Variants in RIF1 observed in about 807,000 individuals in gnomAD.
The protein encoded by RIF1 is replication timing regulatory factor 1.
Under a neutral mutation model 247.1 loss-of-function variants are expected in RIF1, and 45 were observed. The ratio of observed to expected loss-of-function variants is 0.18; its 90% CI spans 0.14 to 0.23. The LOEUF (loss-of-function observed/expected upper bound fraction) is 0.23. Ranked by LOEUF, RIF1 falls within the 10% of genes least tolerant of loss-of-function variation. The pLI is 1.00. For missense variants in RIF1, 2,967 were observed against 2,862.5 expected, an observed-to-expected ratio of 1.04 and a Z score of -0.83; for synonymous variants, 1,087 against 978.8, an observed-to-expected ratio of 1.11 and a Z score of -2.06.
chr2:151,507,024 A>T lies in RIF1; in HGVS notation c.*1027+649A>T, dbSNP rs758493139. ...ACACTGGTATTGGAGCTATGAAGAA[A>T]GAGTAAACATCTTGTTAAGATTTCA... On this transcript the variant is annotated intron_variant and NMD_transcript_variant, in intron 13 of 13. Transcript: ENST00000454583. 21 of 1,457,904 alleles carry T rather than the reference A, an allele frequency of 1.4e-5. No individual in the cohort carries two copies. The South Asian group carries it at 2.4e-4, about 17-fold the overall frequency. 90.3% of individuals were successfully genotyped at this position (1,457,904 alleles called of 1,614,324 possible). A position where few individuals can be genotyped will look rare whatever the true frequency, so the allele number is the denominator to read the frequency against.
At chr2:151,468,340 T>G in intron 31 of RIF1, 134 bp from the exon 32 acceptor site, 1 of 829,900 alleles carries the variant, frequency 1.2e-6, no homozygotes. Context: ...AGCAAGTAAT[T>G]GATTAGGTAG....
intron 34 of RIF1, among the ~76,000 whole-genome samples, chr2:151,471,611 A>AT (rs1189487871): frequency 6.6e-6 from 1 of 152,160 alleles, no homozygotes; most frequent in Non-Finnish European, 1.5e-5. Context: ...TCCCAACACC[A>AT]TTTATTAAAT....
chr2:151,448,180 A>G lies in RIF1; in HGVS notation c.2244+1605A>G, dbSNP rs192888562. 2.3e-3 allele frequency among the ~76,000 whole-genome samples: 346 copies of G among 151,798 alleles called. 8 individuals carry two copies. In the East Asian group the frequency reaches 0.045, roughly 20 times the overall value. On this transcript the variant is annotated intron_variant, in intron 20 of 35. Transcript: ENST00000444746. The stretch of plus-strand genomic sequence containing the variant: ...GTGATTCTCCTCCCTAGTAGCTGGG[A>G]CTACAGGTGTGCACCACCATGCCTG...
At chr2:151,414,674 G>GTTTATT (rs144193655) in intron 3 of RIF1, 149 bp from the exon 4 acceptor site, 2 of 586,894 alleles carry the variant, frequency 3.4e-6, no homozygotes, top group South Asian at 4.6e-5. Context: ...TTTATTCCTT[G>GTTTATT]TTTATTTTTA....
At chr2:151,497,525 T>TAA (rs1184391814) in intron 10 of RIF1, 2 of 1,502,270 alleles carry the variant, frequency 1.3e-6, no homozygotes, top group Non-Finnish European at 1.8e-6. Context: ...TCACAAAATT[T>TAA]AAGTTGTCTT....
Position 151,410,027 on chromosome 2 carries a change from T to G in RIF1, c.-17T>G, listed in dbSNP as rs1685865704. Reference sequence around the variant, plus strand: ...AGGCGGAGAGAACCCTGTCCTGATCTTCCTAGGTGGGATAAATATCGGGGT... The same window carrying G: ...AGGCGGAGAGAACCCTGTCCTGATCGTCCTAGGTGGGATAAATATCGGGGT... On this transcript the variant is annotated 5_prime_UTR_variant, in exon 1 of 36. Coordinates refer to ENST00000444746, the MANE Select transcript of RIF1 (RefSeq NM_018151.5). The G allele has an allele frequency of 1.3e-5, 9 of 702,770 alleles. No individual in the cohort carries two copies. Among genetic ancestry groups the G allele is most frequent in the African/African-American group, 3.5e-5 (2 of 57,256 alleles). The allele number at this position is 702,770 out of a possible 1,614,324, so 43.5% of individuals were successfully genotyped here.
chr2:151,491,966 A>G, intron 9 of RIF1: 1 of 1,077,672 alleles, frequency 9.3e-7, no homozygotes, highest in Non-Finnish European at 1.4e-6. Flanking sequence ...ATGAGATAAT[A>G]GGAGCTTTCT....
intron 10 of RIF1, among the ~76,000 whole-genome samples, chr2:151,496,015 G>GTAAGT (rs2059945978): frequency 6.6e-6 from 1 of 152,196 alleles, no homozygotes; most frequent in Non-Finnish European, 1.5e-5. Context: ...TGGATAGAGA[G>GTAAGT]TAAGTTTGGA....
At chr2:151,466,396 C>G (rs1206549542) in intron 30 of RIF1, among the ~76,000 whole-genome samples, 3 of 152,214 alleles carry the variant, frequency 2.0e-5, no homozygotes, top group African/African-American at 7.2e-5. Context: ...AGGCTCCTAG[C>G]ATCTTTTCTG....
intron 1 of RIF1, 37 bp from the exon 2 acceptor site, chr2:151,410,377 G>A (rs982419175): frequency 1.3e-6 from 2 of 1,550,194 alleles, no homozygotes; most frequent in Admixed American, 3.6e-5. Flanking sequence ...GTTTCCATCG[G>A]TCACTGGATT....
rs1696515281 is a variant in RIF1 at position 151,463,659 on chromosome 2, T to A, written c.4139T>A (p.Ile1380Asn). The A allele has an allele frequency of 1.1e-5, 17 of 1,613,794 alleles. No individual in the cohort carries two copies. The highest frequency in any genetic ancestry group is 1.4e-5 in the Non-Finnish European group (16 of 1,179,894). Residue 1380 changes from isoleucine to asparagine, a missense_variant, in exon 30 of 36, where the codon ATT becomes AAT. This residue lies in a region of RIF1 where 2,028 missense variants were observed against 1,825.6 expected (regional missense o/e 1.11). Coordinates refer to ENST00000444746, the MANE Select transcript of RIF1 (RefSeq NM_018151.5). The stretch of plus-strand genomic sequence containing the variant: ...ACTGTAGAGGAGAAAAATGTAGAAA[T>A]TAATTTGGAATCCAAAGAGAATACA... ...TNTVEEKNVEINLESKENTPP... is the reference protein window; with the variant it reads ...TNTVEEKNVENNLESKENTPP...
Position 151,468,042 on chromosome 2 carries a change from T to C in RIF1, c.6643T>C (p.Leu2215=), listed in dbSNP as rs1426539009. Residue 2215 remains leucine, a synonymous_variant, in exon 31 of 36, where the codon TTG becomes CTG. Coordinates refer to ENST00000444746, the MANE Select transcript of RIF1 (RefSeq NM_018151.5). ...SFADPIYQAG[L]ADDIDRRCSI... is the part of the protein sequence containing the mutation. ...TGCAGATCCAATATACCAAGCAGGATTGGCAGATGACATTGATAGACGGTG... is the reference window on the plus strand; with the variant it reads ...TGCAGATCCAATATACCAAGCAGGACTGGCAGATGACATTGATAGACGGTG... 6.8e-6 allele frequency: 11 copies of C among 1,613,784 alleles called. No individual in the cohort carries two copies. Among genetic ancestry groups the C allele is most frequent in the Non-Finnish European group, 9.3e-6 (11 of 1,179,926 alleles).
chr2:151,502,637 C>T (rs2065611340), intron 11 of RIF1, among the ~76,000 whole-genome samples: 1 of 151,876 alleles, frequency 6.6e-6, no homozygotes, highest in African/African-American at 2.4e-5. Flanking sequence ...AATTTCACAC[C>T]AGAACTAAAT....
intron 3 of RIF1, among the ~76,000 whole-genome samples, chr2:151,412,487 T>C (rs1436840506): frequency 6.6e-6 from 1 of 151,848 alleles, no homozygotes; most frequent in Non-Finnish European, 1.5e-5. Flanking sequence ...TGCCCAGCTT[T>C]TGTGCTTTTT....
rs1342213482 is a variant in RIF1, at chr2:151,435,456, C to A, written c.1078-7C>A. On this transcript the variant is annotated splice_region_variant and splice_polypyrimidine_tract_variant and intron_variant, in intron 10 of 35. Coordinates refer to ENST00000444746, the MANE Select transcript of RIF1 (RefSeq NM_018151.5). ...TTTATAGATCGATGTTTTCTTTTAC[C>A]CCATAGGTTTGTGTGCCTCTGATTC... is the stretch of plus-strand genomic sequence containing the variant. 4 of 1,515,514 alleles carry A rather than the reference C, an allele frequency of 2.6e-6. No homozygotes were observed. The highest frequency in any genetic ancestry group is 3.7e-6 in the Non-Finnish European group (4 of 1,091,062). The allele number at this position is 1,515,514 out of a possible 1,614,324, so 93.9% of individuals were successfully genotyped here.
intron 11 of RIF1, among the ~76,000 whole-genome samples, chr2:151,436,582 T>G (rs1011708258): frequency 2.6e-5 from 4 of 151,958 alleles, no homozygotes; most frequent in East Asian, 1.9e-4. Flanking sequence ...ATAAAGTGTC[T>G]TCTTTATGTA....
Position 151,463,904 on chromosome 2 carries a change from G to T in RIF1, c.4384G>T (p.Val1462Leu). 6.2e-7 allele frequency: 1 copy of T among 1,613,568 alleles called. No homozygotes were observed. Among genetic ancestry groups the T allele is most frequent in the Non-Finnish European group, 8.5e-7 (1 of 1,179,896 alleles). ...QKSPLHIKDDVLPKQKLIAEQ... is the reference protein window; with the variant it reads ...QKSPLHIKDDLLPKQKLIAEQ... Reference sequence around the variant, plus strand: ...GAGTCCATTGCATATAAAAGATGATGTGTTACCTAAACAAAAACTGATTGC... The same window carrying T: ...GAGTCCATTGCATATAAAAGATGATTTGTTACCTAAACAAAAACTGATTGC... The change falls in exon 30 of 36, where the codon GTG becomes TTG. Residue 1462 changes from valine (V) to leucine (L), a missense_variant. Coordinates refer to ENST00000444746, the MANE Select transcript of RIF1 (RefSeq NM_018151.5).
chr2:151,502,934 G>A, intron 11 of RIF1: 1 of 1,150,036 alleles, frequency 8.7e-7, no homozygotes, highest in African/African-American at 1.6e-5. Context: ...CAGGCACAGA[G>A]AGTAAGGAAG....
rs1379443874 is a variant in RIF1, at chr2:151,464,583, CTT to C, written c.5066_5067del (p.Phe1689Ter). 1.2e-6 allele frequency: 2 copies of C among 1,613,504 alleles called. No homozygotes were observed. The highest frequency in any genetic ancestry group is 1.7e-6 in the Non-Finnish European group (2 of 1,179,624). ...ATTAAGAGATTACATAAGCGAGACT[CTT>C]TTGATAATTGTAGTTTGGGAGAATC... On this transcript the variant is annotated frameshift_variant, in exon 30 of 36. Coordinates refer to ENST00000444746, the MANE Select transcript of RIF1 (RefSeq NM_018151.5). LOFTEE classifies it high-confidence loss of function.
Sources: allele counts gnomAD v4.1 joint callset (sites outside exome capture counted in the v4.1 genomes callset), GRCh38; gene constraint gnomAD v4.1.1; regional missense constraint gnomAD v4.1.1; transcripts MANE v1.5; gene names NCBI Gene and HGNC (gene_info 2026-07-23, HGNC 2026-07-21).